PTPRM: variants seen among roughly 807,000 people sequenced by gnomAD.
The protein encoded by PTPRM is receptor-type tyrosine-protein phosphatase mu.
In PTPRM, 47 loss-of-function variants were observed where a neutral mutation model predicts 186.7. That is an observed-to-expected ratio of 0.25 (90% CI 0.20 to 0.32). The LOEUF is 0.32. Ranked by LOEUF, PTPRM falls within the 10% of genes least tolerant of loss-of-function variation. The pLI, the probability that PTPRM is intolerant of heterozygous loss-of-function variation, is 1.00. For synonymous variants in PTPRM, 668 were observed against 674.9 expected (o/e 0.99, Z 0.16); for missense variants, 1,494 against 1,865.0 (o/e 0.80, Z 3.66).
intron 32 of PTPRM, chr18:8,403,133 G>A (rs1250786084): frequency 6.6e-6 from 1 of 152,234 alleles, no homozygotes; most frequent in Non-Finnish European, 1.5e-5. Context: ...CTCCTGGTCA[G>A]TGTGGGGCAC....
At chr18:7,595,156 G>C (rs1425186277) in intron 1 of PTPRM, among the ~76,000 whole-genome samples, 2 of 152,196 alleles carry the variant, frequency 1.3e-5, no homozygotes, top group Non-Finnish European at 2.9e-5. Context: ...TAGAGCTGCT[G>C]CTGTTGATGA....
At chr18:8,065,982 G>A (rs140008654) in intron 7 of PTPRM, among the ~76,000 whole-genome samples, 1,606 of 152,320 alleles carry the variant, frequency 0.011, 13 homozygotes, top group Non-Finnish European at 0.015. Flanking sequence ...ACTCACTAGA[G>A]TAAATGTCCC....
intron 14 of PTPRM, among the ~76,000 whole-genome samples, chr18:8,229,461 A>C (rs1385811127): frequency 6.6e-6 from 1 of 152,182 alleles, no homozygotes; most frequent in African/African-American, 2.4e-5. Context: ...AGAAAGCAGC[A>C]GGCTCTTTTC....
At chr18:8,300,472 C>T (rs1369865690) in intron 20 of PTPRM, among the ~76,000 whole-genome samples, 1 of 151,336 alleles carries the variant, frequency 6.6e-6, no homozygotes, top group Admixed American at 6.6e-5. Flanking sequence ...CTGTGTTACT[C>T]ATCTTGAGTT....
chr18:8,283,270 T>C (rs2094923530), intron 19 of PTPRM, among the ~76,000 whole-genome samples: 1 of 152,256 alleles, frequency 6.6e-6, no homozygotes, highest in Non-Finnish European at 1.5e-5. Flanking sequence ...AAGCTCTCCA[T>C]ACCATCCTTG....
At chr18:8,203,942 G>T (rs1196037070) in intron 14 of PTPRM, among the ~76,000 whole-genome samples, 1 of 152,154 alleles carries the variant, frequency 6.6e-6, no homozygotes, top group African/African-American at 2.4e-5. Context: ...TGTCAAGGAG[G>T]GGGTAGAAAA....
intron 14 of PTPRM, among the ~76,000 whole-genome samples, chr18:8,177,080 G>A (rs541070527): frequency 1.3e-5 from 2 of 152,204 alleles, no homozygotes; most frequent in South Asian, 4.2e-4. Context: ...TTTCTGAGGG[G>A]ATGTGTTTTC....
intron 19 of PTPRM, among the ~76,000 whole-genome samples, chr18:8,295,116 A>G (rs2095081860): frequency 6.6e-6 from 1 of 152,226 alleles, no homozygotes; most frequent in African/African-American, 2.4e-5. Flanking sequence ...CAGAAACAAC[A>G]GAGGATGCCA....
chr18:7,709,212 T>A (rs2144767111), intron 1 of PTPRM, among the ~76,000 whole-genome samples: 1 of 152,230 alleles, frequency 6.6e-6, no homozygotes, highest in East Asian at 1.9e-4. Flanking sequence ...ATCAATTATC[T>A]TCTCAGACCA....
At chr18:8,248,466 A>G (rs374106025) in intron 17 of PTPRM, 2 of 479,916 alleles carry the variant, frequency 4.2e-6, no homozygotes, top group African/African-American at 2.0e-5. Flanking sequence ...ATTTAAAGTT[A>G]GGTCTGATCC....
In PTPRM at chr18:7,641,359, A is replaced by G. The variant is rs1245284296; in HGVS notation, c.73+73468A>G. Among the ~76,000 whole-genome samples the G allele has an allele frequency of 4.6e-5, 7 of 152,214 alleles. 1 individual carries two copies. The highest frequency in any genetic ancestry group is 2.4e-5 in the African/African-American group (1 of 41,462). On this transcript the variant is annotated intron_variant, in intron 1 of 32. Transcript: ENST00000580170. ...CTTAGAAATGTGATCAGAAATACCC[A>G]TAATATTAAGAAAAGGAGAAAGAGA...
chr18:8,032,756 T>C (rs1332286353), intron 7 of PTPRM, among the ~76,000 whole-genome samples: 2 of 152,046 alleles, frequency 1.3e-5, no homozygotes, highest in East Asian at 3.9e-4. Flanking sequence ...TACAAGCATA[T>C]TAAATTTAGA....
At chr18:8,380,168 C>A in intron 28 of PTPRM, 128 bp from the exon 29 acceptor site, 1 of 961,768 alleles carries the variant, frequency 1.0e-6, no homozygotes, top group Non-Finnish European at 1.6e-6. Flanking sequence ...ACAATGGTGA[C>A]AGAATTCAAC....
intron 23 of PTPRM, among the ~76,000 whole-genome samples, chr18:8,360,454 T>C (rs16953379): frequency 0.24 from 35,893 of 152,092 alleles, 4,375 homozygotes; most frequent in Non-Finnish European, 0.26. Flanking sequence ...TCCCTATGCC[T>C]GAATTACAGG....
chr18:7,740,977 A>G (rs2040873317), intron 1 of PTPRM, among the ~76,000 whole-genome samples: 1 of 152,070 alleles, frequency 6.6e-6, no homozygotes, highest in Non-Finnish European at 1.5e-5. Flanking sequence ...TCTCATTTTA[A>G]TGCTTCTCTG....
chr18:8,090,964 G>A (rs937204845), intron 11 of PTPRM, among the ~76,000 whole-genome samples: 1 of 152,038 alleles, frequency 6.6e-6, no homozygotes, highest in African/African-American at 2.4e-5. Flanking sequence ...CTCTTCCCTA[G>A]TCTTTACAAG....
intron 1 of PTPRM, among the ~76,000 whole-genome samples, chr18:7,586,726 T>C (rs1457205358): frequency 1.3e-5 from 2 of 152,196 alleles, no homozygotes; most frequent in Non-Finnish European, 2.9e-5. Flanking sequence ...TCCTTGCACA[T>C]TGATAAGTTC....
chr18:8,011,917 A>G (rs2084553974), intron 7 of PTPRM, among the ~76,000 whole-genome samples: 1 of 152,250 alleles, frequency 6.6e-6, no homozygotes, highest in African/African-American at 2.4e-5. Context: ...TAACATGACC[A>G]AATTATACGT....
At chr18:7,729,777 G>C (rs1317224945) in intron 1 of PTPRM, among the ~76,000 whole-genome samples, 1 of 151,878 alleles carries the variant, frequency 6.6e-6, no homozygotes, top group African/African-American at 2.4e-5. Context: ...CTTTTAACTT[G>C]AAGGATTAAA....
Sources: gnomAD v4.1 joint callset for allele counts (sites outside exome capture counted in the v4.1 genomes callset) on GRCh38, gnomAD v4.1.1 for gene constraint, MANE v1.5 for transcripts, NCBI Gene and HGNC (gene_info 2026-07-23, HGNC 2026-07-21) for gene names.